TRAPPC10: variants seen among roughly 807,000 people sequenced by gnomAD.
The protein encoded by TRAPPC10 is TRAPP 130 kDa subunit.
A neutral mutation model predicts 125.5 loss-of-function variants in TRAPPC10; 23 were observed. That is an observed-to-expected ratio of 0.18 (90% CI 0.13 to 0.26). TRAPPC10 has a LOEUF of 0.26. Ranked by LOEUF, TRAPPC10 falls within the 10% of genes least tolerant of loss-of-function variation. TRAPPC10 has a pLI of 1.00. For synonymous variants in TRAPPC10, 509 were observed against 518.0 expected, an observed-to-expected ratio of 0.98 and a Z score of 0.24; for missense variants, 1,123 against 1,308.4, an observed-to-expected ratio of 0.86 and a Z score of 2.19.
rs1394619937 is a variant in TRAPPC10, at chr21:44,087,806, C to T, written c.2647C>T (p.Leu883Phe). Residue 883 changes from leucine (L) to phenylalanine (F), a missense_variant, in exon 17 of 23, where the codon CTC becomes TTC. Leu to Phe is a conservative substitution (Grantham distance 22, BLOSUM62 0). Transcript: ENST00000291574. This position sits in a 1 kb window ranked among gnomAD's most constrained non-coding sequence, Gnocchi z 4.6. ...YHVIEFELEV[L>F]SLPSAPALGG... is the part of the protein sequence containing the mutation. ...CGTGATCGAATTTGAACTGGAAGTTCTCTCTTTACCTTCAGCCCCAGCACT... is the reference window on the plus strand; with the variant it reads ...CGTGATCGAATTTGAACTGGAAGTTTTCTCTTTACCTTCAGCCCCAGCACT... 4 of 1,614,248 alleles carry T rather than the reference C, an allele frequency of 2.5e-6. No individual in the cohort carries two copies. Among genetic ancestry groups the T allele is most frequent in the South Asian group, 2.2e-5 (2 of 91,092 alleles).
intron 3 of TRAPPC10, chr21:44,047,052 G>C (rs919149188): frequency 2.8e-6 from 2 of 703,796 alleles, no homozygotes; most frequent in African/African-American, 3.6e-5. Flanking sequence ...TTCGAATTCT[G>C]CTGAAGCTCA....
intron 4 of TRAPPC10, 97 bp downstream of exon 4, chr21:44,052,573 C>A: frequency 8.5e-7 from 1 of 1,172,852 alleles, no homozygotes; most frequent in Non-Finnish European, 1.2e-6. Context: ...TCAGCAATCT[C>A]GAGTGAGTGT....
intron 5 of TRAPPC10, 73 bp downstream of exon 5, chr21:44,055,966 T>G: frequency 3.0e-6 from 4 of 1,345,128 alleles, no homozygotes; most frequent in Non-Finnish European, 4.0e-6. Context: ...CTCTCCTCCT[T>G]TCTTTCTAAG....
Position 44,082,805 on chromosome 21 carries a change from C to T in TRAPPC10, c.1741C>T (p.Pro581Ser), listed in dbSNP as rs371264768. ...ATTTACAGGTCATAAGATAGTGCTACCCATGCATTCCTTTGCACAACTGCG... is the reference window on the plus strand; with the variant it reads ...ATTTACAGGTCATAAGATAGTGCTATCCATGCATTCCTTTGCACAACTGCG... ...SDSPGHKIVL[P>S]MHSFAQLRDL... Residue 581 changes from proline (P) to serine (S), a missense_variant, in exon 14 of 23, where the codon CCC becomes TCC. Physicochemically the swap from Pro to Ser is moderately conservative, Grantham distance 74 (BLOSUM62 -1). Transcript: ENST00000291574. The surrounding 1 kb of genome is among the most constrained non-coding windows in gnomAD (Gnocchi z 4.4). 2.1e-5 allele frequency: 34 copies of T among 1,613,898 alleles called. No homozygotes were observed. Among genetic ancestry groups the T allele is most frequent in the Non-Finnish European group, 2.7e-5 (32 of 1,179,978 alleles).
intron 20 of TRAPPC10, among the ~76,000 whole-genome samples, chr21:44,095,688 G>A (rs992376683): frequency 2.0e-5 from 3 of 151,646 alleles, no homozygotes; most frequent in South Asian, 2.1e-4. Context: ...CTCAGTCTCC[G>A]GAGTAGCTGG....
chr21:44,070,389 G>T (rs1301611439), intron 7 of TRAPPC10, among the ~76,000 whole-genome samples: 2 of 152,250 alleles, frequency 1.3e-5, no homozygotes, highest in African/African-American at 4.8e-5. Context: ...AGAGGTATCT[G>T]ATGGCCCATT....
intron 3 of TRAPPC10, among the ~76,000 whole-genome samples, chr21:44,041,969 C>T (rs1414139717): frequency 2.0e-5 from 3 of 152,102 alleles, no homozygotes; most frequent in African/African-American, 7.2e-5. Flanking sequence ...CAGGCGATCT[C>T]CCAAAGTGCT....
At chr21:44,088,200 G>T in intron 17 of TRAPPC10, 2 of 485,728 alleles carry the variant, frequency 4.1e-6, no homozygotes, top group East Asian at 3.7e-5. Context: ...GCCGGCTTAG[G>T]CATGAGGGGC....
In TRAPPC10 at chr21:44,063,460, C is replaced by T; in HGVS notation, c.791-78C>T. ...GGTTATGAAGCTGCCTGTTTGCCCA[C>T]CATCCTCAGCCTGAGCAGGAAGCTC... On this transcript the variant is annotated intron_variant, in intron 6 of 22. Coordinates refer to ENST00000291574, the MANE Select transcript of TRAPPC10 (RefSeq NM_003274.5). The surrounding 1 kb of genome is among the most constrained non-coding windows in gnomAD (Gnocchi z 4.4). The T allele has an allele frequency of 6.4e-7, 1 of 1,556,480 alleles. No homozygotes were observed. Among genetic ancestry groups the T allele is most frequent in the Admixed American group, 1.8e-5 (1 of 54,808 alleles).
At chr21:44,030,300 G>A (rs1283625277) in intron 1 of TRAPPC10, among the ~76,000 whole-genome samples, 2 of 152,116 alleles carry the variant, frequency 1.3e-5, no homozygotes, top group East Asian at 3.8e-4. Context: ...TGGAAGAGGA[G>A]AAAGCGATTC....
intron 7 of TRAPPC10, among the ~76,000 whole-genome samples, chr21:44,072,354 C>T (rs769381720): frequency 7.2e-5 from 11 of 152,214 alleles, no homozygotes; most frequent in Non-Finnish European, 1.3e-4. Context: ...TCTGCCGCGG[C>T]TCCGCTGCTG....
chr21:44,027,100 T>C (rs993106484), intron 1 of TRAPPC10, among the ~76,000 whole-genome samples: 3 of 152,230 alleles, frequency 2.0e-5, no homozygotes, highest in Admixed American at 2.0e-4. Flanking sequence ...TTACTGTTCC[T>C]TTTACCAAGA....
At chr21:44,022,411 G>A (rs922118704) in intron 1 of TRAPPC10, among the ~76,000 whole-genome samples, 1 of 148,078 alleles carries the variant, frequency 6.8e-6, no homozygotes, top group Admixed American at 6.7e-5. Flanking sequence ...AGCCTCCCGA[G>A]TAGCTGGGAT....
At chr21:44,079,488 A>T (rs2037526068) in intron 11 of TRAPPC10, 76 bp from the exon 12 acceptor site, 1 of 1,516,248 alleles carries the variant, frequency 6.6e-7, no homozygotes, top group East Asian at 2.3e-5. Flanking sequence ...ATGGAGGCCA[A>T]AGCGGGAGAG....
At chr21:44,049,545 G>A (rs1320949864) in intron 3 of TRAPPC10, among the ~76,000 whole-genome samples, 2 of 152,184 alleles carry the variant, frequency 1.3e-5, no homozygotes, top group African/African-American at 4.8e-5. Flanking sequence ...CCCTGTCTGG[G>A]GGATGCCCTT....
intron 4 of TRAPPC10, among the ~76,000 whole-genome samples, chr21:44,052,826 GT>G (rs939518904): frequency 2.0e-5 from 3 of 151,884 alleles, no homozygotes; most frequent in Admixed American, 6.6e-5. Flanking sequence ...CGGCACCTGT[GT>G]TTTTTTCTTT....
At chr21:44,084,943 C>T (rs890088725) in intron 15 of TRAPPC10, among the ~76,000 whole-genome samples, 4 of 152,366 alleles carry the variant, frequency 2.6e-5, no homozygotes, top group East Asian at 1.9e-4. Context: ...AGAGCTTCCA[C>T]GCCCTCCCTG....
chr21:44,048,344 G>T (rs1405715951), intron 3 of TRAPPC10, among the ~76,000 whole-genome samples: 1 of 152,110 alleles, frequency 6.6e-6, no homozygotes, highest in African/African-American at 2.4e-5. Context: ...CCCACCCTCT[G>T]GTGGGCACCC....
At chr21:44,013,061 C>T (rs1321142974) in intron 1 of TRAPPC10, among the ~76,000 whole-genome samples, 2 of 152,168 alleles carry the variant, frequency 1.3e-5, no homozygotes, top group African/African-American at 2.4e-5. Flanking sequence ...GCAGAGCCGC[C>T]GGGACTGCTT....
Sources: allele counts gnomAD v4.1 joint callset (sites outside exome capture counted in the v4.1 genomes callset), GRCh38; gene constraint gnomAD v4.1.1; non-coding constraint Gnocchi (gnomAD v3.1); transcripts MANE v1.5; gene names NCBI Gene and HGNC (gene_info 2026-07-23, HGNC 2026-07-21).